CHLSN: variants seen among roughly 807,000 people sequenced by gnomAD.
CHLSN encodes cholesin.
At chr7:1,022,913 C>G in the CHLSN span, 2 of 426,760 alleles carry the variant, frequency 4.7e-6, no homozygotes, top group South Asian at 3.2e-5. Context: ...CCGCGGCGAG[C>G]TGGCCACTCC....
the CHLSN span, among the ~76,000 whole-genome samples, chr7:1,082,497 T>C: frequency 2.0e-5 from 3 of 152,062 alleles, no homozygotes; most frequent in East Asian, 5.8e-4. Context: ...GTGAATGGGG[T>C]TAAACAGGTG....
the CHLSN span, among the ~76,000 whole-genome samples, chr7:1,089,762 T>C: frequency 2.7e-5 from 4 of 148,488 alleles, no homozygotes; most frequent in African/African-American, 5.0e-5. Flanking sequence ...TCAACAAATC[T>C]CTAGTCTGGT....
the CHLSN span, chr7:1,000,387 C>G: frequency 8.1e-7 from 1 of 1,241,864 alleles, no homozygotes. Flanking sequence ...GTGCACACAC[C>G]TCAGCCCCCG....
chr7:987,342 C>T, the CHLSN span: 4 of 1,572,352 alleles, frequency 2.5e-6, no homozygotes, highest in Non-Finnish European at 3.4e-6. Context: ...CACCCTTTGC[C>T]CCAGGCCGGG....
At chr7:1,136,388 AC>A in the CHLSN span, among the ~76,000 whole-genome samples, 2 of 36,188 alleles carry the variant, frequency 5.5e-5, no homozygotes, top group Non-Finnish European at 8.8e-5. Context: ...AAATATATAA[AC>A]ATATATATAA....
chr7:1,063,607 A>G, the CHLSN span, among the ~76,000 whole-genome samples: 1 of 152,178 alleles, frequency 6.6e-6, no homozygotes, highest in African/African-American at 2.4e-5. Context: ...CCTCGGGCAG[A>G]CACAGCCTCA....
chr7:984,387 G>A, the CHLSN span: 19 of 1,543,234 alleles, frequency 1.2e-5, no homozygotes, highest in Middle Eastern at 1.7e-4. Flanking sequence ...AGGGCTGCCC[G>A]GGTGACCCCC....
At chr7:1,136,325 T>C in the CHLSN span, among the ~76,000 whole-genome samples, 1 of 105,242 alleles carries the variant, frequency 9.5e-6, no homozygotes. Flanking sequence ...TAAACATAAA[T>C]ATATAAATAT....
chr7:1,093,431 C>T, the CHLSN span: 1 of 463,448 alleles, frequency 2.2e-6, no homozygotes, highest in South Asian at 1.6e-5. Flanking sequence ...GCCTGAGCGT[C>T]CTCCATCTTC....
At chr7:1,036,742 G>A in the CHLSN span, among the ~76,000 whole-genome samples, 1 of 121,964 alleles carries the variant, frequency 8.2e-6, no homozygotes, top group East Asian at 1.9e-4. Flanking sequence ...AGAGGATCGG[G>A]GTGGGGAGAC....
the CHLSN span, among the ~76,000 whole-genome samples, chr7:1,089,504 T>C: frequency 1.3e-5 from 2 of 150,654 alleles, no homozygotes; most frequent in African/African-American, 4.9e-5. Context: ...CTGCAACCTC[T>C]ACCTGCCAGG....
the CHLSN span, among the ~76,000 whole-genome samples, chr7:1,070,458 A>G: frequency 2.5e-5 from 3 of 120,490 alleles, no homozygotes; most frequent in Non-Finnish European, 6.2e-5. Context: ...CTGCCCGGCC[A>G]GCACACATGC....
chr7:1,073,515 C>A, the CHLSN span, among the ~76,000 whole-genome samples: 2 of 152,058 alleles, frequency 1.3e-5, no homozygotes, highest in Admixed American at 1.3e-4. Flanking sequence ...TACTTTCTCA[C>A]AACTCCTTGA....
chr7:997,605 C>G, the CHLSN span: 1 of 1,533,452 alleles, frequency 6.5e-7, no homozygotes, highest in South Asian at 1.2e-5. Flanking sequence ...GGGCAGCGGC[C>G]CCGCCCCGCG....
chr7:981,121 C>A, the CHLSN span, among the ~76,000 whole-genome samples: 2 of 151,676 alleles, frequency 1.3e-5, no homozygotes, highest in South Asian at 4.2e-4. Context: ...CATGGCAAAA[C>A]CCCATCTCTA....
chr7:1,111,990 T>C, the CHLSN span, among the ~76,000 whole-genome samples: 1 of 152,226 alleles, frequency 6.6e-6, no homozygotes, highest in Non-Finnish European at 1.5e-5. Flanking sequence ...AATTTCTCTG[T>C]ATTTTCTAAT....
At chr7:984,513 C>A in the CHLSN span, 2 of 1,552,650 alleles carry the variant, frequency 1.3e-6, no homozygotes, top group Non-Finnish European at 1.7e-6. Flanking sequence ...TGGCGGGCCC[C>A]GGGCAGGAGC....
the CHLSN span, among the ~76,000 whole-genome samples, chr7:1,122,355 A>G: frequency 3.9e-5 from 6 of 152,184 alleles, no homozygotes; most frequent in Non-Finnish European, 7.4e-5. Context: ...CAGGCAGCCA[A>G]ACAGCACTGA....
the CHLSN span, among the ~76,000 whole-genome samples, chr7:1,090,341 C>T: frequency 4.6e-5 from 7 of 152,244 alleles, no homozygotes; most frequent in African/African-American, 1.4e-4. Context: ...CCCCGTGGCC[C>T]GCTGCATAGA....
Sources: allele counts gnomAD v4.1 joint callset (sites outside exome capture counted in the v4.1 genomes callset), GRCh38; gene constraint gnomAD v4.1.1; transcripts MANE v1.5; gene names NCBI Gene and HGNC (gene_info 2026-07-23, HGNC 2026-07-21).